TMEM132D: variants seen among roughly 807,000 people sequenced by gnomAD.
TMEM132D encodes transmembrane protein 132D, also known as mature OL transmembrane protein.
Under a neutral mutation model 62.3 loss-of-function variants are expected in TMEM132D, and 21 were observed. The ratio of observed to expected loss-of-function variants is 0.34; its 90% confidence interval spans 0.24 to 0.49. TMEM132D has a LOEUF of 0.49. Among genes scored for constraint, TMEM132D ranks in the 20% least tolerant of loss-of-function variants. TMEM132D has a pLI of 0.99. For missense variants in TMEM132D, 1,346 were observed against 1,402.8 expected (o/e 0.96, Z 0.65); for synonymous variants, 621 against 575.6 (o/e 1.08, Z -1.13).
rs1438657339 is a variant in TMEM132D at position 129,337,548 on chromosome 12, C to T, written c.1299+86G>A. Reference sequence around the variant, plus strand: ...CTGATTCTTGGCTCCTCCCCTTTTCCCCACCCAGCCTGGGACTCAGTGCGG... The same window carrying T: ...CTGATTCTTGGCTCCTCCCCTTTTCTCCACCCAGCCTGGGACTCAGTGCGG... On this transcript the variant is annotated intron_variant, in intron 4 of 8. Coordinates refer to ENST00000422113, the MANE Select transcript of TMEM132D (RefSeq NM_133448.3). 7 of 1,530,566 alleles carry T rather than the reference C, an allele frequency of 4.6e-6. No homozygotes were observed. In the African/African-American group the frequency reaches 5.6e-5, roughly 12 times the overall value. The allele number at this position is 1,530,566 out of a possible 1,614,324, so 94.8% of individuals were successfully genotyped here. A position where few individuals can be genotyped will look rare whatever the true frequency, so the allele number is the denominator to read the frequency against.
intron 3 of TMEM132D, among the ~76,000 whole-genome samples, chr12:129,450,884 T>G (rs2135726422): frequency 7.3e-6 from 1 of 137,592 alleles, no homozygotes; most frequent in South Asian, 2.6e-4. Context: ...GCCTCCCGAG[T>G]AGCTGGGATT....
Position 129,699,997 on chromosome 12 carries a change from C to A in TMEM132D, c.781G>T (p.Gly261Trp), listed in dbSNP as rs750383951. The change falls in exon 2 of 9, where the codon GGG becomes TGG. Residue 261 changes from glycine to tryptophan, a missense_variant. Coordinates refer to ENST00000422113, the MANE Select transcript of TMEM132D (RefSeq NM_133448.3). ...CTCCCGATCCTCTGCAAGGGGGGCC[C>A]GGACTCATCGATGTCACTGTGGCCT... ...RTGHSDIDES[G>W]PPLQRIGSIF... 1.9e-6 allele frequency: 3 copies of A among 1,613,928 alleles called. No homozygotes were observed. The highest frequency in any genetic ancestry group is 3.3e-5 in the Admixed American group (2 of 60,012).
chr12:129,898,658 G>A (rs763888974), intron 1 of TMEM132D, among the ~76,000 whole-genome samples: 6 of 152,236 alleles, frequency 3.9e-5, no homozygotes, highest in South Asian at 4.1e-4. Flanking sequence ...AGAGACACTC[G>A]CCCCATCCTC....
intron 2 of TMEM132D, among the ~76,000 whole-genome samples, chr12:129,571,968 G>A (rs181739670): frequency 1.0e-3 from 158 of 152,240 alleles, no homozygotes; most frequent in Middle Eastern, 3.4e-3. Flanking sequence ...GTTGCTACAC[G>A]CACCATGAAA....
At chr12:129,193,233 T>C (rs895695409) in intron 5 of TMEM132D, among the ~76,000 whole-genome samples, 2 of 152,146 alleles carry the variant, frequency 1.3e-5, no homozygotes, top group African/African-American at 4.8e-5. Flanking sequence ...CAGTGTTTAA[T>C]TGCCTGCATG....
At chr12:129,631,206 A>G (rs1879337099) in intron 2 of TMEM132D, among the ~76,000 whole-genome samples, 1 of 152,208 alleles carries the variant, frequency 6.6e-6, no homozygotes, top group Admixed American at 6.5e-5. Context: ...GTCTGACATC[A>G]AGAACTGCTT....
At chr12:129,381,498 G>T (rs923199003) in intron 3 of TMEM132D, among the ~76,000 whole-genome samples, 1 of 152,128 alleles carries the variant, frequency 6.6e-6, no homozygotes, top group African/African-American at 2.4e-5. Flanking sequence ...CTTCCAGAGA[G>T]CCTACTGCCA....
chr12:129,279,578 G>A (rs916797230), intron 4 of TMEM132D, among the ~76,000 whole-genome samples: 2 of 151,230 alleles, frequency 1.3e-5, no homozygotes, highest in African/African-American at 4.9e-5. Flanking sequence ...GTATAAAATC[G>A]AAAACCTACA....
Position 129,330,770 on chromosome 12 carries a change from T to C in TMEM132D, c.1299+6864A>G, listed in dbSNP as rs137873547. On this transcript the variant is annotated intron_variant, in intron 4 of 8. Coordinates refer to ENST00000422113, the MANE Select transcript of TMEM132D (RefSeq NM_133448.3). Reference sequence around the variant, plus strand: ...CAGCCTCCATAACTTTAATACATAATTTTCCTTACAAATCGCCCAGTGTCA... The same window carrying C: ...CAGCCTCCATAACTTTAATACATAACTTTCCTTACAAATCGCCCAGTGTCA... Among the ~76,000 whole-genome samples the C allele has an allele frequency of 4.2e-3, 640 of 152,282 alleles. 6 individuals carry two copies. The highest frequency in any genetic ancestry group is 0.015 in the African/African-American group (616 of 41,554).
At chr12:129,521,644 A>G (rs992827881) in intron 3 of TMEM132D, 5 of 152,194 alleles carry the variant, frequency 3.3e-5, no homozygotes, top group Non-Finnish European at 5.9e-5. Flanking sequence ...GGAATCATCA[A>G]CGTGTCCCCT....
chr12:129,600,724 T>C lies in TMEM132D; in HGVS notation c.969-69519A>G, dbSNP rs556255974. Among the ~76,000 whole-genome samples, 3 of 152,306 alleles carry C rather than the reference T, an allele frequency of 2.0e-5. No individual in the cohort carries two copies. In the East Asian group the frequency reaches 5.8e-4, roughly 29 times the overall value. ...GGTGTATTGTCAGTGAGCAGTAACA[T>C]TGTTAAAGGCATCTTTTTTTCTGAG... On this transcript the variant is annotated intron_variant, in intron 2 of 8. Transcript: ENST00000422113.
chr12:129,343,867 G>T (rs1869597249), intron 3 of TMEM132D, among the ~76,000 whole-genome samples: 1 of 152,154 alleles, frequency 6.6e-6, no homozygotes, highest in African/African-American at 2.4e-5. Flanking sequence ...GGAGGCAGAG[G>T]TTGCAGTGAA....
chr12:129,518,051 A>G (rs1005667668), intron 3 of TMEM132D, among the ~76,000 whole-genome samples: 1 of 152,224 alleles, frequency 6.6e-6, no homozygotes, highest in Non-Finnish European at 1.5e-5. Context: ...TATAACTACA[A>G]GATCATCACA....
intron 3 of TMEM132D, among the ~76,000 whole-genome samples, chr12:129,527,267 C>T (rs986730763): frequency 1.3e-5 from 2 of 152,174 alleles, no homozygotes; most frequent in African/African-American, 4.8e-5. Flanking sequence ...CAAGATCGCA[C>T]CACTGCACTC....
chr12:129,780,336 G>A (rs992301978), intron 1 of TMEM132D, among the ~76,000 whole-genome samples: 21 of 73,480 alleles, frequency 2.9e-4, no homozygotes, highest in Non-Finnish European at 3.4e-4. Context: ...TTTGTTGGTG[G>A]GGAGGGGGGG....
intron 3 of TMEM132D, among the ~76,000 whole-genome samples, chr12:129,422,601 G>T (rs1382367101): frequency 6.6e-6 from 1 of 152,132 alleles, no homozygotes; most frequent in Non-Finnish European, 1.5e-5. Context: ...CAAATAAATT[G>T]CATTAACTTT....
At chr12:129,617,910 T>C (rs1878965668) in intron 2 of TMEM132D, among the ~76,000 whole-genome samples, 1 of 152,176 alleles carries the variant, frequency 6.6e-6, no homozygotes, top group African/African-American at 2.4e-5. Context: ...CAGATGGGAA[T>C]GTGGCTTTGG....
chr12:129,144,531 C>G (rs986884027), intron 5 of TMEM132D, among the ~76,000 whole-genome samples: 1 of 152,154 alleles, frequency 6.6e-6, no homozygotes, highest in Non-Finnish European at 1.5e-5. Flanking sequence ...TTAGACAGCC[C>G]TAGCTTACGG....
intron 1 of TMEM132D, among the ~76,000 whole-genome samples, chr12:129,899,891 C>T (rs1875295291): frequency 6.6e-6 from 1 of 152,168 alleles, no homozygotes; most frequent in Non-Finnish European, 1.5e-5. Flanking sequence ...CACTAACTGG[C>T]TCCCTTCTGA....
Sources: allele counts gnomAD v4.1 joint callset (sites outside exome capture counted in the v4.1 genomes callset), GRCh38; gene constraint gnomAD v4.1.1; transcripts MANE v1.5; gene names NCBI Gene and HGNC (gene_info 2026-07-23, HGNC 2026-07-21).